The following APCDD1L variants were observed in gnomAD, a reference collection of about 807,000 sequenced individuals.
APCDD1L encodes the protein APC down-regulated 1 like, also known as protein APCDD1-like.
Under a neutral mutation model 24.2 loss-of-function variants are expected in APCDD1L, and 21 were observed. The ratio of observed to expected loss-of-function variants is 0.87; its 90% CI spans 0.61 to 1.25. The LOEUF (loss-of-function observed/expected upper bound fraction) is 1.25. Among genes scored for constraint, APCDD1L ranks in the 50% most tolerant of loss-of-function variants. The pLI, the probability that APCDD1L is intolerant of heterozygous loss-of-function variation, is 0.00. For missense variants in APCDD1L, 704 were observed against 711.7 expected (o/e 0.99, Z 0.12); for synonymous variants, 321 against 323.6 (o/e 0.99, Z 0.09).
In APCDD1L at chr20:58,508,431, C is replaced by T. The variant is rs1990561914; in HGVS notation, c.49+6228G>A. Reference sequence around the variant, plus strand: ...GACTGTGTCCATAAATCAAGAGAGACTCCAGCTGATGTGCTTTACATCTTG... The same window carrying T: ...GACTGTGTCCATAAATCAAGAGAGATTCCAGCTGATGTGCTTTACATCTTG... On this transcript the variant is annotated intron_variant, in intron 1 of 3. Coordinates refer to ENST00000371149, the MANE Select transcript of APCDD1L (RefSeq NM_153360.3). The surrounding 1 kb of genome is among the most constrained non-coding windows in gnomAD (Gnocchi z 4.0). Among the ~76,000 whole-genome samples, 1 of 152,232 alleles carries T rather than the reference C, an allele frequency of 6.6e-6. No homozygotes were observed. Among genetic ancestry groups the T allele is most frequent in the Non-Finnish European group, 1.5e-5 (1 of 68,052 alleles).
intron 3 of APCDD1L, among the ~76,000 whole-genome samples, chr20:58,462,488 C>T (rs185578883): frequency 2.6e-5 from 4 of 152,202 alleles, no homozygotes; most frequent in East Asian, 1.9e-4. Flanking sequence ...GTGGAAGGTG[C>T]GCATCATTTG....
At chr20:58,466,595 C>T (rs1240732638) in intron 3 of APCDD1L, among the ~76,000 whole-genome samples, 1 of 152,252 alleles carries the variant, frequency 6.6e-6, no homozygotes, top group Non-Finnish European at 1.5e-5. Flanking sequence ...TCGGCCTGAC[C>T]CGTGCTAGGT....
chr20:58,464,385 C>T (rs1989670645), intron 3 of APCDD1L, among the ~76,000 whole-genome samples: 1 of 152,184 alleles, frequency 6.6e-6, no homozygotes, highest in South Asian at 2.1e-4. Flanking sequence ...TGAGAAAAAG[C>T]ATTTCCTTCT....
intron 1 of APCDD1L, among the ~76,000 whole-genome samples, chr20:58,482,669 G>A (rs1990045278): frequency 6.6e-6 from 1 of 152,126 alleles, no homozygotes; most frequent in African/African-American, 2.4e-5. Context: ...TGGAGTCTTC[G>A]AAGCCCACAT....
Position 58,460,586 on chromosome 20 carries a change from G to T in APCDD1L, c.*204C>A. 1 of 511,202 alleles carries T rather than the reference G, an allele frequency of 2.0e-6. No homozygotes were observed. The highest frequency in any genetic ancestry group is 3.1e-6 in the Non-Finnish European group (1 of 319,936). The allele number at this position is 511,202 out of a possible 1,614,324, so 31.7% of individuals were successfully genotyped here. A position where few individuals can be genotyped will look rare whatever the true frequency, so the allele number is the denominator to read the frequency against. Reference sequence around the variant, plus strand: ...ATCCAAGTGCTTGACTGGGGACCCGGGCTGTGGGATGTGGTATAGGCTTTG... The same window carrying T: ...ATCCAAGTGCTTGACTGGGGACCCGTGCTGTGGGATGTGGTATAGGCTTTG... On this transcript the variant is annotated 3_prime_UTR_variant, in exon 4 of 4. Transcript: ENST00000371149. This position sits in a 1 kb window ranked among gnomAD's most constrained non-coding sequence, Gnocchi z 4.2.
At chr20:58,496,984 GAA>G (rs946559914) in intron 1 of APCDD1L, among the ~76,000 whole-genome samples, 3 of 152,186 alleles carry the variant, frequency 2.0e-5, no homozygotes, top group African/African-American at 7.2e-5. Context: ...ATGTAAAAAA[GAA>G]AAGTCGCGAT....
chr20:58,514,063 C>T (rs1173581862), intron 1 of APCDD1L: 2 of 842,762 alleles, frequency 2.4e-6, no homozygotes, highest in Non-Finnish European at 3.2e-6. Flanking sequence ...CGAAGAGCCA[C>T]CAGGGAACCC....
At chr20:58,486,072 G>A (rs139432565) in intron 1 of APCDD1L, among the ~76,000 whole-genome samples, 19 of 152,260 alleles carry the variant, frequency 1.2e-4, no homozygotes, top group African/African-American at 4.3e-4. Context: ...AGTTCTCAAA[G>A]GTCACCCAAT....
chr20:58,481,044 G>A (rs1990015923), intron 1 of APCDD1L, among the ~76,000 whole-genome samples: 1 of 152,242 alleles, frequency 6.6e-6, no homozygotes, highest in Non-Finnish European at 1.5e-5. Flanking sequence ...CTTGGCCAAT[G>A]CTGTCCACTG....
intron 1 of APCDD1L, among the ~76,000 whole-genome samples, chr20:58,500,651 C>T (rs1990417213): frequency 6.6e-6 from 1 of 152,170 alleles, no homozygotes; most frequent in South Asian, 2.1e-4. Context: ...CACCAAGGCT[C>T]CTTGTCTCTC....
At chr20:58,469,038 A>G (rs1178504386) in intron 2 of APCDD1L, among the ~76,000 whole-genome samples, 1 of 152,076 alleles carries the variant, frequency 6.6e-6, no homozygotes, top group Non-Finnish European at 1.5e-5. Context: ...AGAGAGAGCA[A>G]CTTAGAACTT....
chr20:58,505,679 A>G (rs972906077), intron 1 of APCDD1L, among the ~76,000 whole-genome samples: 3 of 152,044 alleles, frequency 2.0e-5, no homozygotes, highest in African/African-American at 7.2e-5. Flanking sequence ...GGCATTTTGG[A>G]CAGAATTGCA....
intron 1 of APCDD1L, among the ~76,000 whole-genome samples, chr20:58,483,608 C>T (rs965654822): frequency 2.0e-5 from 3 of 152,210 alleles, no homozygotes; most frequent in African/African-American, 4.8e-5. Flanking sequence ...AATGTTGACT[C>T]AGTTACAGAA....
chr20:58,480,024 C>G (rs1768361703), intron 1 of APCDD1L, among the ~76,000 whole-genome samples: 1 of 152,240 alleles, frequency 6.6e-6, no homozygotes, highest in African/African-American at 2.4e-5. Flanking sequence ...ACTTTGCATT[C>G]TAAGAAGCCC....
At chr20:58,500,311 G>A (rs1010629890) in intron 1 of APCDD1L, among the ~76,000 whole-genome samples, 3 of 152,248 alleles carry the variant, frequency 2.0e-5, no homozygotes, top group South Asian at 2.1e-4. Flanking sequence ...ATCTGTGGAC[G>A]CATCACAACG....
At chr20:58,496,855 G>A (rs1213851600) in intron 1 of APCDD1L, among the ~76,000 whole-genome samples, 3 of 152,222 alleles carry the variant, frequency 2.0e-5, no homozygotes, top group African/African-American at 7.2e-5. Context: ...CCAGGCCAGG[G>A]TGGGTGAGGC....
chr20:58,484,867 G>T (rs6070481), intron 1 of APCDD1L, among the ~76,000 whole-genome samples: 3,320 of 152,028 alleles, frequency 0.022, 49 homozygotes, highest in Non-Finnish European at 0.034. Context: ...CCGAAGCCTT[G>T]GTTGCTTCCT....
At chr20:58,506,445 G>A (rs766285515) in intron 1 of APCDD1L, among the ~76,000 whole-genome samples, 4 of 152,180 alleles carry the variant, frequency 2.6e-5, no homozygotes, top group Non-Finnish European at 4.4e-5. Flanking sequence ...TGACATCTAC[G>A]GAGGACTTGC....
At chr20:58,513,182 T>G (rs1329036874) in intron 1 of APCDD1L, among the ~76,000 whole-genome samples, 1 of 152,186 alleles carries the variant, frequency 6.6e-6, no homozygotes, top group Non-Finnish European at 1.5e-5. Context: ...TGAGAGCAGA[T>G]GGACACCCGG....
Sources: allele counts gnomAD v4.1 joint callset (sites outside exome capture counted in the v4.1 genomes callset), GRCh38; gene constraint gnomAD v4.1.1; non-coding constraint Gnocchi (gnomAD v3.1); transcripts MANE v1.5; gene names NCBI Gene and HGNC (gene_info 2026-07-23, HGNC 2026-07-21).